The following FAM76B variants were observed in gnomAD, a reference collection of about 807,000 sequenced individuals.
The protein encoded by FAM76B is family with sequence similarity 76 member B, also known as protein FAM76B.
In FAM76B, 16 loss-of-function variants were observed where a neutral mutation model predicts 51.8. The ratio of observed to expected loss-of-function variants is 0.31; its 90% CI spans 0.21 to 0.47. The LOEUF (loss-of-function observed/expected upper bound fraction) is 0.47, where lower values mean the gene tolerates loss of function less well. Ranked by LOEUF, FAM76B falls within the 20% of genes least tolerant of loss-of-function variation. The probability of loss-of-function intolerance (pLI) is 1.00; values close to 1 mark genes in which losing one functional copy is unlikely to be tolerated. For synonymous variants in FAM76B, 166 were observed against 129.5 expected, an observed-to-expected ratio of 1.28 and a Z score of -1.91; for missense variants, 342 against 392.6, an observed-to-expected ratio of 0.87 and a Z score of 1.09.
chr11:95,789,482 G>A lies in FAM76B; in HGVS notation c.-4C>T. 1 of 1,601,294 alleles carries A rather than the reference G, an allele frequency of 6.2e-7. No individual in the cohort carries two copies. The highest frequency in any genetic ancestry group is 2.3e-5 in the East Asian group (1 of 44,030). ...CGTACAGGGCCGAGGCCGCCATCCT[G>A]CTCCTCAGTCTCCTCCTCCGCCGCC... On this transcript the variant is annotated 5_prime_UTR_variant, in exon 1 of 10. Transcript: ENST00000358780.
chr11:95,781,275 C>A (rs938198383), intron 5 of FAM76B, among the ~76,000 whole-genome samples: 2 of 152,100 alleles, frequency 1.3e-5, no homozygotes, highest in East Asian at 3.8e-4. Flanking sequence ...GCAACCACAT[C>A]CCCTACCCCT....
At chr11:95,772,483 T>G (rs761676093) in intron 9 of FAM76B, among the ~76,000 whole-genome samples, 7 of 150,764 alleles carry the variant, frequency 4.6e-5, no homozygotes, top group Non-Finnish European at 8.9e-5. Context: ...TATGAAAACT[T>G]AGATAGTAAG....
chr11:95,779,934 A>G lies in FAM76B; in HGVS notation c.564-8T>C. 2 of 1,604,478 alleles carry G rather than the reference A, an allele frequency of 1.2e-6. 1 individual carries two copies. Among genetic ancestry groups the G allele is most frequent in the South Asian group, 2.2e-5 (2 of 89,006 alleles). On this transcript the variant is annotated splice_polypyrimidine_tract_variant and splice_region_variant and intron_variant, in intron 5 of 9. Coordinates refer to ENST00000358780, the MANE Select transcript of FAM76B (RefSeq NM_144664.5). The stretch of plus-strand genomic sequence containing the variant: ...GGACTTAGATTGCTGATTCTGAAAA[A>G]TACACAAATGACATCTAATAATGAC...
At chr11:95,775,155 A>G (rs1859941470) in intron 9 of FAM76B, among the ~76,000 whole-genome samples, 2 of 151,534 alleles carry the variant, frequency 1.3e-5, no homozygotes, top group South Asian at 4.1e-4. Context: ...CTAATTTTAC[A>G]AATGTGAGAC....
At position 95,786,113 on chromosome 11, in the gene FAM76B, G is replaced by A; in HGVS notation, c.363+6C>T. ...CAGAAGATGTCATAACATAAATAAA[G>A]CATACCTTTCTTCTTCCTTCCTCCT... On this transcript the variant is annotated splice_donor_region_variant and intron_variant, in intron 4 of 9. Coordinates refer to ENST00000358780, the MANE Select transcript of FAM76B (RefSeq NM_144664.5). The A allele has an allele frequency of 6.2e-7, 1 of 1,600,918 alleles. No individual in the cohort carries two copies. The highest frequency in any genetic ancestry group is 8.5e-7 in the Non-Finnish European group (1 of 1,173,124).
intron 3 of FAM76B, among the ~76,000 whole-genome samples, chr11:95,787,390 T>C (rs184437642): frequency 3.3e-5 from 5 of 152,126 alleles, no homozygotes; most frequent in Non-Finnish European, 7.4e-5. Context: ...CCCACCACCA[T>C]ACCCGGCTCA....
chr11:95,781,707 G>A (rs1343670406), intron 5 of FAM76B, among the ~76,000 whole-genome samples: 2 of 152,034 alleles, frequency 1.3e-5, no homozygotes, highest in South Asian at 2.1e-4. Flanking sequence ...GCAAAAACAA[G>A]GTAGACTTAT....
At chr11:95,789,081 C>T (rs1297936056) in intron 1 of FAM76B, 3 of 1,409,496 alleles carry the variant, frequency 2.1e-6, no homozygotes, top group African/African-American at 2.9e-5. Flanking sequence ...ACATCTCCAC[C>T]CCTGGGTCTC....
intron 3 of FAM76B, 130 bp from the exon 4 acceptor site, chr11:95,786,404 G>A: frequency 9.7e-7 from 1 of 1,033,320 alleles, no homozygotes; most frequent in Non-Finnish European, 1.4e-6. Context: ...TGTCAAGTTT[G>A]TTGCCCTGTC....
At chr11:95,776,319 A>G (rs560218719) in intron 8 of FAM76B, among the ~76,000 whole-genome samples, 2 of 151,618 alleles carry the variant, frequency 1.3e-5, no homozygotes, top group Non-Finnish European at 3.0e-5. Flanking sequence ...ATGCCAACGA[A>G]AAAAGCTTAA....
intron 1 of FAM76B, 35 bp from the exon 2 acceptor site, chr11:95,788,598 TG>T (rs767443517): frequency 2.2e-5 from 35 of 1,577,956 alleles, no homozygotes; most frequent in Non-Finnish European, 3.0e-5. Flanking sequence ...AGTATCTTTC[TG>T]AAAGTCCCAA....
chr11:95,779,244 TAAAACA>T, intron 7 of FAM76B: 1 of 873,766 alleles, frequency 1.1e-6, no homozygotes, highest in Non-Finnish European at 1.7e-6. Flanking sequence ...GCTAATGAAC[TAAAACA>T]AAGTAACGCT....
Position 95,769,890 on chromosome 11 carries a change from G to C in FAM76B, c.*1671C>G, listed in dbSNP as rs183216892. 4 of 151,456 alleles carry C rather than the reference G, an allele frequency of 2.6e-5. No homozygotes were observed. The highest frequency in any genetic ancestry group is 6.6e-5 in the Admixed American group (1 of 15,164). 9.4% of individuals were successfully genotyped at this position (151,456 alleles called of 1,614,324 possible). On this transcript the variant is annotated 3_prime_UTR_variant, in exon 10 of 10. Coordinates refer to ENST00000358780, the MANE Select transcript of FAM76B (RefSeq NM_144664.5). Reference sequence around the variant, plus strand: ...ATATTATGCTTTCAAAATGGACAAAGAATTATTTGGTATTCACTTTATAAT... The same window carrying C: ...ATATTATGCTTTCAAAATGGACAAACAATTATTTGGTATTCACTTTATAAT...
intron 9 of FAM76B, among the ~76,000 whole-genome samples, chr11:95,775,289 T>C (rs1402880000): frequency 4.4e-4 from 66 of 151,544 alleles, no homozygotes; most frequent in Admixed American, 4.1e-3. Context: ...TCACCATCTC[T>C]GCATGCCAGA....
At chr11:95,782,930 T>C (rs1860352803) in intron 5 of FAM76B, 135 bp downstream of exon 5, 1 of 1,081,794 alleles carries the variant, frequency 9.2e-7, no homozygotes, top group Non-Finnish European at 1.3e-6. Context: ...GACACAGCCT[T>C]AGACACTCAA....
intron 8 of FAM76B, among the ~76,000 whole-genome samples, chr11:95,778,115 G>A (rs535780847): frequency 4.6e-5 from 7 of 151,532 alleles, no homozygotes; most frequent in Admixed American, 6.6e-5. Context: ...GAAAATGTTA[G>A]AACTAGGATT....
In FAM76B at chr11:95,779,195, T is replaced by C. The variant is rs1474467272; in HGVS notation, c.693-238A>G. The C allele has an allele frequency of 7.4e-6, 11 of 1,488,984 alleles. No homozygotes were observed. In the East Asian group the frequency reaches 1.0e-4, roughly 14 times the overall value. The allele number at this position is 1,488,984 out of a possible 1,614,324, so 92.2% of individuals were successfully genotyped here. On this transcript the variant is annotated intron_variant, in intron 7 of 9. Coordinates refer to ENST00000358780, the MANE Select transcript of FAM76B (RefSeq NM_144664.5). ...GGTCAATACTTCTAGTGTAAAGCAA[T>C]AGGCAGCCAATTTGTACAGTAACAT...
rs930095640 is a variant in FAM76B, at chr11:95,786,137, C to T, written c.345G>A (p.Lys115=). Reference sequence around the variant, plus strand: ...AGCATACCTTTCTTCTTCCTTCCTCCTTCCGATCAAAAGCACATTGCTGTT... The same window carrying T: ...AGCATACCTTTCTTCTTCCTTCCTCTTTCCGATCAAAAGCACATTGCTGTT... The part of the protein sequence containing the change: ...QCKQQCAFDR[K]EEGRRKVDGK... The change falls in exon 4 of 10, where the codon AAG becomes AAA. Residue 115 remains lysine, a synonymous_variant. Transcript: ENST00000358780. 6 of 1,609,980 alleles carry T rather than the reference C, an allele frequency of 3.7e-6. No individual in the cohort carries two copies. In the Admixed American group the frequency reaches 5.0e-5, roughly 14 times the overall value.
chr11:95,774,450 G>GA (rs1487428836), intron 9 of FAM76B, among the ~76,000 whole-genome samples: 3 of 151,266 alleles, frequency 2.0e-5, no homozygotes, highest in Non-Finnish European at 3.0e-5. Context: ...TTTTAAAAAA[G>GA]AAAAACCAAC....
Sources: allele counts gnomAD v4.1 joint callset (sites outside exome capture counted in the v4.1 genomes callset), GRCh38; gene constraint gnomAD v4.1.1; transcripts MANE v1.5; gene names NCBI Gene and HGNC (gene_info 2026-07-23, HGNC 2026-07-21).